The following MCF2L2 variants were observed in gnomAD, a reference collection of about 807,000 sequenced individuals.
The protein encoded by MCF2L2 is probable guanine nucleotide exchange factor MCF2L2.
MCF2L2 carries 102 observed loss-of-function variants against 150.2 expected under a neutral mutation model. The ratio of observed to expected loss-of-function variants is 0.68; its 90% CI spans 0.58 to 0.80. The LOEUF (loss-of-function observed/expected upper bound fraction) is 0.80. Ranked by LOEUF, MCF2L2 falls within the 30% of genes least tolerant of loss-of-function variation. The pLI is 0.00. For synonymous variants in MCF2L2, 465 were observed against 491.3 expected, an observed-to-expected ratio of 0.95 and a Z score of 0.71; for missense variants, 1,256 against 1,372.8, an observed-to-expected ratio of 0.91 and a Z score of 1.34.
chr3:183,348,165 T>A (rs899132674), intron 3 of MCF2L2, among the ~76,000 whole-genome samples: 5 of 152,114 alleles, frequency 3.3e-5, no homozygotes, highest in Non-Finnish European at 5.9e-5. Flanking sequence ...TGCCCATCAA[T>A]GATAGACTGG....
At chr3:183,357,879 C>T (rs952805797) in intron 3 of MCF2L2, among the ~76,000 whole-genome samples, 2 of 151,674 alleles carry the variant, frequency 1.3e-5, no homozygotes, top group Non-Finnish European at 2.9e-5. Flanking sequence ...GGCAGACACC[C>T]CTATGAGTAA....
chr3:183,179,291 C>G lies in MCF2L2; in HGVS notation c.*89G>C. On this transcript the variant is annotated 3_prime_UTR_variant, in exon 30 of 30. Coordinates refer to ENST00000328913, the MANE Select transcript of MCF2L2 (RefSeq NM_015078.4). This position sits in a 1 kb window ranked among gnomAD's most constrained non-coding sequence, Gnocchi z 4.2. ...CCGCCGAGGCTCCGGCTGCTTTCTG[C>G]GTAGCTGGGCAGGGCCCGGGCCCCC... 7.4e-7 allele frequency: 1 copy of G among 1,355,810 alleles called. No individual in the cohort carries two copies. The highest frequency in any genetic ancestry group is 9.4e-7 in the Non-Finnish European group (1 of 1,058,512). The allele number at this position is 1,355,810 out of a possible 1,614,324, so 84.0% of individuals were successfully genotyped here.
intron 3 of MCF2L2, among the ~76,000 whole-genome samples, chr3:183,345,837 C>G (rs1730876992): frequency 6.6e-6 from 1 of 152,120 alleles, no homozygotes; most frequent in South Asian, 2.1e-4. Flanking sequence ...GGATAAATTC[C>G]TGCACACAAA....
At chr3:183,322,813 G>T (rs1396983824) in intron 6 of MCF2L2, among the ~76,000 whole-genome samples, 1 of 151,940 alleles carries the variant, frequency 6.6e-6, no homozygotes, top group Non-Finnish European at 1.5e-5. Flanking sequence ...GTCCCCGGGG[G>T]GTGACACTAT....
intron 27 of MCF2L2, among the ~76,000 whole-genome samples, chr3:183,185,800 T>C (rs1721672430): frequency 6.6e-6 from 1 of 152,184 alleles, no homozygotes; most frequent in African/African-American, 2.4e-5. Context: ...AGCTGAAACG[T>C]CTATTTCATT....
At chr3:183,330,055 G>A (rs1357065710) in intron 5 of MCF2L2, among the ~76,000 whole-genome samples, 1 of 151,146 alleles carries the variant, frequency 6.6e-6, no homozygotes, top group Non-Finnish European at 1.5e-5. Context: ...GGCAATACAA[G>A]GAAACCCCTG....
intron 15 of MCF2L2, among the ~76,000 whole-genome samples, chr3:183,275,972 A>G (rs1727136671): frequency 6.6e-6 from 1 of 152,252 alleles, no homozygotes; most frequent in African/African-American, 2.4e-5. Flanking sequence ...AAAGAACACT[A>G]AGACTCTTAC....
intron 1 of MCF2L2, among the ~76,000 whole-genome samples, chr3:183,394,948 C>A (rs767987524): frequency 6.6e-6 from 1 of 152,086 alleles, no homozygotes; most frequent in Admixed American, 6.6e-5. Flanking sequence ...CTTATGTGGT[C>A]GATTCCATAC....
chr3:183,408,409 C>A (rs918665241), intron 1 of MCF2L2, among the ~76,000 whole-genome samples: 10 of 152,160 alleles, frequency 6.6e-5, no homozygotes, highest in African/African-American at 1.7e-4. Context: ...TTCCTCCTGG[C>A]CCCCATTACA....
Position 183,198,846 on chromosome 3 carries a change from G to C in MCF2L2, c.2885-3591C>G, listed in dbSNP as rs575584529. Among the ~76,000 whole-genome samples, 317 of 152,226 alleles carry C rather than the reference G, an allele frequency of 2.1e-3. 1 individual carries two copies. Among genetic ancestry groups the C allele is most frequent in the African/African-American group, 7.3e-3 (304 of 41,528 alleles). Reference sequence around the variant, plus strand: ...GTGACTAGAATGTTGTTTCTGCAGGGAACAAGTGACTTTTTCTACTAGAGT... The same window carrying C: ...GTGACTAGAATGTTGTTTCTGCAGGCAACAAGTGACTTTTTCTACTAGAGT... On this transcript the variant is annotated intron_variant, in intron 25 of 29. Transcript: ENST00000328913.
intron 9 of MCF2L2, 73 bp from the exon 10 acceptor site, chr3:183,309,908 T>C (rs1729284943): frequency 1.3e-6 from 2 of 1,549,386 alleles, no homozygotes; most frequent in African/African-American, 2.8e-5. Flanking sequence ...TTGTTATGCT[T>C]CAAGAAAACT....
At chr3:183,423,069 A>T (rs1320675971) in intron 1 of MCF2L2, among the ~76,000 whole-genome samples, 1 of 152,204 alleles carries the variant, frequency 6.6e-6, no homozygotes, top group Non-Finnish European at 1.5e-5. Flanking sequence ...GCCCTTGAAG[A>T]GTCTGTGAAC....
intron 15 of MCF2L2, chr3:183,273,124 G>T (rs976832481): frequency 1.1e-5 from 9 of 835,024 alleles, no homozygotes; most frequent in Non-Finnish European, 1.6e-5. Context: ...TGGTGCTCCA[G>T]TGTAGGGCTA....
chr3:183,262,323 C>A (rs1195096434), intron 15 of MCF2L2, among the ~76,000 whole-genome samples: 1 of 151,870 alleles, frequency 6.6e-6, no homozygotes, highest in African/African-American at 2.4e-5. Flanking sequence ...AATATTCAGC[C>A]CCCAGCAGGC....
chr3:183,309,553 C>A (rs1012196866), intron 10 of MCF2L2, among the ~76,000 whole-genome samples, 163 bp downstream of exon 10: 6 of 152,134 alleles, frequency 3.9e-5, no homozygotes, highest in Non-Finnish European at 4.4e-5. Context: ...TTATTCATAG[C>A]AGTTGTTAAT....
At chr3:183,392,205 A>G (rs1488119299) in intron 1 of MCF2L2, among the ~76,000 whole-genome samples, 2 of 152,264 alleles carry the variant, frequency 1.3e-5, no homozygotes, top group Non-Finnish European at 2.9e-5. Context: ...TAGCGAAGTC[A>G]ACGATCCCCA....
chr3:183,392,218 C>T (rs1667474866), intron 1 of MCF2L2, among the ~76,000 whole-genome samples: 1 of 152,180 alleles, frequency 6.6e-6, no homozygotes, highest in African/African-American at 2.4e-5. Flanking sequence ...GATCCCCACG[C>T]CATCTCATTT....
chr3:183,370,138 TAAAGCCTG>T (rs1315171301), intron 3 of MCF2L2, among the ~76,000 whole-genome samples: 3 of 152,262 alleles, frequency 2.0e-5, no homozygotes, highest in Non-Finnish European at 2.9e-5. Flanking sequence ...GAAGATAGTT[TAAAGCCTG>T]AAAGCCAAGC....
chr3:183,344,657 T>C (rs561035919), intron 3 of MCF2L2, among the ~76,000 whole-genome samples: 1 of 152,228 alleles, frequency 6.6e-6, no homozygotes, highest in South Asian at 2.1e-4. Context: ...CCAAGACCCA[T>C]TGGTGTGCTG....
Sources: allele counts gnomAD v4.1 joint callset (sites outside exome capture counted in the v4.1 genomes callset), GRCh38; gene constraint gnomAD v4.1.1; non-coding constraint Gnocchi (gnomAD v3.1); transcripts MANE v1.5; gene names NCBI Gene and HGNC (gene_info 2026-07-23, HGNC 2026-07-21).